The following BRPF3 variants were observed in gnomAD, a reference collection of about 807,000 sequenced individuals.
The protein encoded by BRPF3 is bromodomain and PHD finger containing 3.
BRPF3 carries 18 observed loss-of-function variants against 102.0 expected under a neutral mutation model. The ratio of observed to expected loss-of-function variants is 0.18; its 90% CI spans 0.12 to 0.26. The LOEUF (loss-of-function observed/expected upper bound fraction) is 0.26. BRPF3 is among the 10% of genes least tolerant of loss of function. BRPF3 has a pLI of 1.00. For synonymous variants in BRPF3, 570 were observed against 614.2 expected (o/e 0.93, Z 1.06); for missense variants, 1,147 against 1,567.8 (o/e 0.73, Z 4.53).
Position 36,201,255 on chromosome 6 carries a change from G to A in BRPF3, c.933G>A (p.Glu311=). 16 of 1,614,112 alleles carry A rather than the reference G, an allele frequency of 9.9e-6. No homozygotes were observed. The highest frequency in any genetic ancestry group is 1.4e-5 in the Non-Finnish European group (16 of 1,180,020). Residue 311 remains glutamate, a synonymous_variant, in exon 2 of 13, where the codon GAG becomes GAA. Coordinates refer to ENST00000357641, the MANE Select transcript of BRPF3 (RefSeq NM_015695.3). The surrounding 1 kb of genome is among the most constrained non-coding windows in gnomAD (Gnocchi z 5.1). ...FANTVFLEPI[E]GIDNIPPARW... ...ACACCGTGTTCTTGGAACCTATTGA[G>A]GGCATTGACAATATCCCGCCTGCCC...
chr6:36,226,163 T>G (rs1768732796), intron 11 of BRPF3, among the ~76,000 whole-genome samples: 1 of 152,262 alleles, frequency 6.6e-6, no homozygotes, highest in Non-Finnish European at 1.5e-5. Context: ...GTTTTACCCT[T>G]GTGCACATCC....
intron 4 of BRPF3, among the ~76,000 whole-genome samples, chr6:36,207,958 G>GACT (rs1330900910): frequency 3.9e-5 from 6 of 152,194 alleles, no homozygotes; most frequent in East Asian, 1.9e-4. Flanking sequence ...CATGAGCTAT[G>GACT]GCACCAGACT....
At chr6:36,221,142 A>T (rs1438483920) in intron 9 of BRPF3, among the ~76,000 whole-genome samples, 1 of 152,198 alleles carries the variant, frequency 6.6e-6, no homozygotes, top group East Asian at 1.9e-4. Context: ...ACAATTTGAA[A>T]ATACTGATGA....
In BRPF3 at chr6:36,230,343, G is replaced by A; in HGVS notation, c.3435-83G>A. Reference sequence around the variant, plus strand: ...CTGTACCCTCTCCCTGGCTTTGCTGGTCCTGGCCAAGTGGGGCCACAGGAG... The same window carrying A: ...CTGTACCCTCTCCCTGGCTTTGCTGATCCTGGCCAAGTGGGGCCACAGGAG... On this transcript the variant is annotated intron_variant, in intron 12 of 12. Coordinates refer to ENST00000357641, the MANE Select transcript of BRPF3 (RefSeq NM_015695.3). This position sits in a 1 kb window ranked among gnomAD's most constrained non-coding sequence, Gnocchi z 5.4. 1.4e-6 allele frequency: 2 copies of A among 1,441,444 alleles called. No individual in the cohort carries two copies. The highest frequency in any genetic ancestry group is 1.9e-6 in the Non-Finnish European group (2 of 1,041,968). 89.3% of individuals were successfully genotyped at this position (1,441,444 alleles called of 1,614,324 possible).
At chr6:36,214,844 G>A (rs1377637636) in intron 8 of BRPF3, among the ~76,000 whole-genome samples, 1 of 152,192 alleles carries the variant, frequency 6.6e-6, no homozygotes, top group Non-Finnish European at 1.5e-5. Flanking sequence ...AGGAATGCTA[G>A]AGTGGTCTTA....
rs1385741627 is a variant in BRPF3, at chr6:36,232,316, A to C, written c.*1707A>C. ...TGGCCACACAGTGTCGTTGATTTAA[A>C]GGAGCCAGTGCTTCCCCTCTCCCCA... On this transcript the variant is annotated 3_prime_UTR_variant, in exon 13 of 13. Coordinates refer to ENST00000357641, the MANE Select transcript of BRPF3 (RefSeq NM_015695.3). 6.6e-6 allele frequency: 1 copy of C among 152,302 alleles called. No individual in the cohort carries two copies. The allele number at this position is 152,302 out of a possible 1,614,324, so 9.4% of individuals were successfully genotyped here.
Position 36,221,529 on chromosome 6 carries a change from C to T in BRPF3, c.3084-639C>T, listed in dbSNP as rs771380713. Among the ~76,000 whole-genome samples the T allele has an allele frequency of 1.5e-4, 23 of 152,114 alleles. 1 individual carries two copies. Among genetic ancestry groups the T allele is most frequent in the African/African-American group, 9.7e-5 (4 of 41,428 alleles). On this transcript the variant is annotated intron_variant, in intron 9 of 12. Coordinates refer to ENST00000357641, the MANE Select transcript of BRPF3 (RefSeq NM_015695.3). Reference sequence around the variant, plus strand: ...CTCGATCTTCTGACCTCGTGATCTGCCCAGCTCAGCCTCCCAAAGTGTTGG... The same window carrying T: ...CTCGATCTTCTGACCTCGTGATCTGTCCAGCTCAGCCTCCCAAAGTGTTGG...
intron 11 of BRPF3, 54 bp from the exon 12 acceptor site, chr6:36,228,848 C>T: frequency 1.3e-6 from 2 of 1,599,522 alleles, no homozygotes; most frequent in Non-Finnish European, 1.7e-6. Context: ...GCAGCAGGGG[C>T]ACTGCTCACC....
At chr6:36,222,433 CTTT>C (rs11353386) in intron 10 of BRPF3, among the ~76,000 whole-genome samples, 168 bp downstream of exon 10, 1 of 147,520 alleles carries the variant, frequency 6.8e-6, no homozygotes, top group Non-Finnish European at 1.5e-5. Flanking sequence ...CAATCATACT[CTTT>C]TTTTTTTTTT....
In BRPF3 at chr6:36,201,775, G is replaced by T. The variant is rs774507949; in HGVS notation, c.1448+5G>T. The T allele has an allele frequency of 4.4e-6, 7 of 1,589,562 alleles. No individual in the cohort carries two copies. The highest frequency in any genetic ancestry group is 6.0e-6 in the Non-Finnish European group (7 of 1,167,738). On this transcript the variant is annotated splice_donor_5th_base_variant and intron_variant, in intron 2 of 12. Transcript: ENST00000357641. This position sits in a 1 kb window ranked among gnomAD's most constrained non-coding sequence, Gnocchi z 5.1. ...CCCACAGATACCCTCTTACAGGTAA[G>T]CATGCCCAGAAGGGCTCCTTAGGGA...
chr6:36,227,725 T>C (rs879832740), intron 11 of BRPF3, among the ~76,000 whole-genome samples: 2 of 152,122 alleles, frequency 1.3e-5, no homozygotes, highest in African/African-American at 2.4e-5. Flanking sequence ...TTTACTTCAA[T>C]CCCAGGAGGG....
chr6:36,218,084 G>T, intron 9 of BRPF3, 74 bp downstream of exon 9: 2 of 1,319,010 alleles, frequency 1.5e-6, no homozygotes, highest in South Asian at 2.6e-5. Flanking sequence ...GCTACAGATT[G>T]AACCTCTTCC....
At position 36,209,782 on chromosome 6, in the gene BRPF3, C is replaced by T; in HGVS notation, c.1738-5C>T. ...TGATCTGATCTCACCCCACCTTCCC[C>T]ACAGGTCAAAGTCCAGCAGGCTGCC... On this transcript the variant is annotated splice_region_variant and splice_polypyrimidine_tract_variant and intron_variant, in intron 4 of 12. Coordinates refer to ENST00000357641, the MANE Select transcript of BRPF3 (RefSeq NM_015695.3). 6.2e-7 allele frequency: 1 copy of T among 1,613,626 alleles called. No homozygotes were observed. The highest frequency in any genetic ancestry group is 8.5e-7 in the Non-Finnish European group (1 of 1,179,728).
At chr6:36,219,791 T>C (rs1162452787) in intron 9 of BRPF3, among the ~76,000 whole-genome samples, 1 of 152,226 alleles carries the variant, frequency 6.6e-6, no homozygotes, top group Admixed American at 6.5e-5. Context: ...AGACCTTATT[T>C]ATTAGACCAG....
chr6:36,200,157 C>T lies in BRPF3; in HGVS notation c.-26-140C>T. ...GAAAGACTCAAAGGAAGTGAAGGAG[C>T]AAGCCATGTGGATGCCTGAGGGGCA... On this transcript the variant is annotated intron_variant, in intron 1 of 12. Transcript: ENST00000357641. This position sits in a 1 kb window ranked among gnomAD's most constrained non-coding sequence, Gnocchi z 5.3. 1 of 1,031,292 alleles carries T rather than the reference C, an allele frequency of 9.7e-7. No individual in the cohort carries two copies. The highest frequency in any genetic ancestry group is 1.3e-6 in the Non-Finnish European group (1 of 743,274). The allele number at this position is 1,031,292 out of a possible 1,614,324, so 63.9% of individuals were successfully genotyped here.
intron 1 of BRPF3, among the ~76,000 whole-genome samples, chr6:36,198,299 C>T (rs1486339328): frequency 6.6e-6 from 1 of 152,112 alleles, no homozygotes; most frequent in Non-Finnish European, 1.5e-5. Flanking sequence ...ACAAGTAGCA[C>T]CTAGAGAGCT....
chr6:36,228,976 G>A lies in BRPF3; in HGVS notation c.3354G>A (p.Val1118=). ...CCATCCCTGTCCCCCCGCTGGACGT[G>A]CTGAAGCTGGGAGAGCAGAAACAGG... ...GVPIPVPPLD[V]LKLGEQKQAE... Residue 1118 remains valine (V), a synonymous_variant, in exon 12 of 13, where the codon GTG becomes GTA. Coordinates refer to ENST00000357641, the MANE Select transcript of BRPF3 (RefSeq NM_015695.3). 1 of 1,614,228 alleles carries A rather than the reference G, an allele frequency of 6.2e-7. No individual in the cohort carries two copies. Among genetic ancestry groups the A allele is most frequent in the African/African-American group, 1.3e-5 (1 of 75,066 alleles).
chr6:36,224,549 G>A (rs34623276), intron 10 of BRPF3, among the ~76,000 whole-genome samples: 22 of 152,202 alleles, frequency 1.4e-4, no homozygotes, highest in Non-Finnish European at 2.4e-4. Flanking sequence ...GTCCTAGATG[G>A]CTAGGTGTGA....
chr6:36,198,007 C>T (rs1488334700), intron 1 of BRPF3, among the ~76,000 whole-genome samples: 1 of 152,050 alleles, frequency 6.6e-6, no homozygotes, highest in Non-Finnish European at 1.5e-5. Context: ...CAGATGTTCT[C>T]ACCTCTTCTA....
Sources: gnomAD v4.1 joint callset for allele counts (sites outside exome capture counted in the v4.1 genomes callset) on GRCh38, gnomAD v4.1.1 for gene constraint, Gnocchi (gnomAD v3.1) non-coding constraint, MANE v1.5 for transcripts, NCBI Gene and HGNC (gene_info 2026-07-23, HGNC 2026-07-21) for gene names.